Variants in GRXCR1 observed in about 807,000 individuals in gnomAD.
GRXCR1 encodes the protein glutaredoxin domain-containing cysteine-rich protein 1.
GRXCR1 carries 27 observed loss-of-function variants against 27.3 expected under a neutral mutation model. That is an observed-to-expected ratio of 0.99 (90% confidence interval 0.73 to 1.37). The LOEUF (loss-of-function observed/expected upper bound fraction) is 1.37, where lower values mean the gene tolerates loss of function less well. GRXCR1 is among the 40% of genes most tolerant of loss of function. The pLI is 0.00. For missense variants in GRXCR1, 379 were observed against 354.4 expected, an observed-to-expected ratio of 1.07 and a Z score of -0.56; for synonymous variants, 122 against 131.1, an observed-to-expected ratio of 0.93 and a Z score of 0.47.
intron 1 of GRXCR1, among the ~76,000 whole-genome samples, chr4:42,952,370 A>T (rs1275974334): frequency 6.6e-6 from 1 of 152,066 alleles, no homozygotes; most frequent in Non-Finnish European, 1.5e-5. Context: ...CAACACTCAC[A>T]CCACCTGGGG....
intron 2 of GRXCR1, among the ~76,000 whole-genome samples, chr4:42,995,397 T>G (rs1712120621): frequency 1.3e-5 from 2 of 152,228 alleles, no homozygotes; most frequent in South Asian, 4.1e-4. Context: ...GCTTTGCATT[T>G]GTAGAAATGA....
chr4:42,905,337 G>A (rs1413895882), intron 1 of GRXCR1, among the ~76,000 whole-genome samples: 3 of 152,088 alleles, frequency 2.0e-5, no homozygotes, highest in Non-Finnish European at 2.9e-5. Flanking sequence ...GCGCCTTCTG[G>A]GTAGAGACAG....
chr4:42,959,347 C>T (rs1417974254), intron 1 of GRXCR1, among the ~76,000 whole-genome samples: 72 of 151,440 alleles, frequency 4.8e-4, no homozygotes, highest in Non-Finnish European at 4.4e-5. Flanking sequence ...TGCGTGATCT[C>T]GTTTATATGT....
intron 2 of GRXCR1, among the ~76,000 whole-genome samples, chr4:42,981,935 T>C (rs1409177494): frequency 2.6e-5 from 4 of 152,220 alleles, no homozygotes; most frequent in Admixed American, 2.6e-4. Context: ...AATATATGAA[T>C]GCAGAGCAGA....
intron 2 of GRXCR1, among the ~76,000 whole-genome samples, chr4:42,975,562 A>T (rs925100494): frequency 6.6e-6 from 1 of 152,106 alleles, no homozygotes; most frequent in Non-Finnish European, 1.5e-5. Flanking sequence ...CTCTTCCAGC[A>T]TATGTAATTA....
Position 43,030,416 on chromosome 4 carries a change from G to T in GRXCR1, c.749G>T (p.Cys250Phe). 6.2e-7 allele frequency: 1 copy of T among 1,613,998 alleles called. No homozygotes were observed. The highest frequency in any genetic ancestry group is 8.5e-7 in the Non-Finnish European group (1 of 1,179,984). ...TGTGGAGGCTTTGGCTTTCTTCCAT[G>T]CTCCGTGTGCCATGGGAGCAAGATG... ...PSCGGFGFLP[C>F]SVCHGSKMSM... is the part of the protein sequence containing the mutation. Residue 250 changes from cysteine to phenylalanine, a missense_variant, in exon 4 of 4, where the codon TGC becomes TTC. Physicochemically the swap from Cys to Phe is radical, Grantham distance 205 (BLOSUM62 -2). Transcript: ENST00000399770.
At chr4:43,012,436 T>A (rs577882402) in intron 2 of GRXCR1, among the ~76,000 whole-genome samples, 124 of 152,318 alleles carry the variant, frequency 8.1e-4, no homozygotes, top group African/African-American at 2.9e-3. Flanking sequence ...TATTATGACA[T>A]TATCCAAAGA....
chr4:42,952,862 T>C (rs978226604), intron 1 of GRXCR1, among the ~76,000 whole-genome samples: 7 of 152,242 alleles, frequency 4.6e-5, no homozygotes, highest in East Asian at 1.9e-4. Flanking sequence ...CTTTGACAAC[T>C]CAAAAATTCA....
At chr4:42,991,019 G>T (rs759486640) in intron 2 of GRXCR1, among the ~76,000 whole-genome samples, 4 of 152,002 alleles carry the variant, frequency 2.6e-5, no homozygotes, top group Non-Finnish European at 2.9e-5. Context: ...AGATATATTT[G>T]TGGAAGGTCT....
chr4:42,936,223 A>G (rs553224321), intron 1 of GRXCR1, among the ~76,000 whole-genome samples: 38 of 152,034 alleles, frequency 2.5e-4, no homozygotes, highest in African/African-American at 8.2e-4. Context: ...GTTCAATAAA[A>G]ATTACTGTAG....
chr4:42,940,035 G>T (rs890581845), intron 1 of GRXCR1, among the ~76,000 whole-genome samples: 3 of 151,964 alleles, frequency 2.0e-5, no homozygotes, highest in Admixed American at 1.3e-4. Context: ...GCAGGCCTCG[G>T]TGGTGGAGAC....
intron 2 of GRXCR1, among the ~76,000 whole-genome samples, chr4:42,991,621 T>C (rs1476001867): frequency 6.6e-6 from 1 of 152,242 alleles, no homozygotes; most frequent in Non-Finnish European, 1.5e-5. Context: ...TTTGAAACAT[T>C]GTCTACCAAG....
At chr4:42,994,989 G>T (rs1165852359) in intron 2 of GRXCR1, among the ~76,000 whole-genome samples, 1 of 151,908 alleles carries the variant, frequency 6.6e-6, no homozygotes, top group Non-Finnish European at 1.5e-5. Flanking sequence ...GTATATACAT[G>T]CATACATATT....
intron 1 of GRXCR1, among the ~76,000 whole-genome samples, chr4:42,896,512 C>T (rs1746349397): frequency 6.6e-6 from 1 of 152,028 alleles, no homozygotes; most frequent in Non-Finnish European, 1.5e-5. Context: ...TCTAGCTGTT[C>T]TAGATTATGG....
chr4:42,941,490 T>C (rs1018764090), intron 1 of GRXCR1, among the ~76,000 whole-genome samples: 8 of 152,128 alleles, frequency 5.3e-5, no homozygotes, highest in African/African-American at 1.9e-4. Context: ...TTGAATTACA[T>C]AATTATTTGG....
intron 1 of GRXCR1, among the ~76,000 whole-genome samples, chr4:42,939,445 AGACAAGGATAATTT>A (rs1747551984): frequency 6.6e-6 from 1 of 152,052 alleles, no homozygotes; most frequent in Non-Finnish European, 1.5e-5. Context: ...TATCATCTGC[AGACAAGGATAATTT>A]GACTTCCTCC....
At chr4:42,896,781 A>G (rs1174057950) in intron 1 of GRXCR1, among the ~76,000 whole-genome samples, 3 of 152,122 alleles carry the variant, frequency 2.0e-5, no homozygotes, top group Admixed American at 1.3e-4. Context: ...TCTCTTCAAT[A>G]TTTAATAAAG....
At chr4:43,007,616 GA>G (rs1197326441) in intron 2 of GRXCR1, among the ~76,000 whole-genome samples, 18 of 152,160 alleles carry the variant, frequency 1.2e-4, no homozygotes, top group Admixed American at 9.8e-4. Flanking sequence ...AAAGTGATAA[GA>G]AATGGATGCA....
chr4:42,949,553 C>T (rs1182447382), intron 1 of GRXCR1, among the ~76,000 whole-genome samples: 3 of 152,000 alleles, frequency 2.0e-5, no homozygotes, highest in Admixed American at 1.3e-4. Context: ...TGACATTAGT[C>T]CTGTCACATA....
Sources: allele counts gnomAD v4.1 joint callset (sites outside exome capture counted in the v4.1 genomes callset), GRCh38; gene constraint gnomAD v4.1.1; transcripts MANE v1.5; gene names NCBI Gene and HGNC (gene_info 2026-07-23, HGNC 2026-07-21).